AFF3: variants seen among roughly 807,000 people sequenced by gnomAD.
AFF3 encodes the protein ALF transcription elongation factor 3.
In AFF3, 32 loss-of-function variants were observed where a neutral mutation model predicts 129.7. That is an observed-to-expected ratio of 0.25 (90% CI 0.19 to 0.33). The LOEUF is 0.33. AFF3 is among the 10% of genes least tolerant of loss of function. AFF3 has a pLI of 1.00. For missense variants in AFF3, 1,373 were observed against 1,592.0 expected, an observed-to-expected ratio of 0.86 and a Z score of 2.34; for synonymous variants, 644 against 635.4, an observed-to-expected ratio of 1.01 and a Z score of -0.20.
At chr2:99,815,003 T>TC (rs999847452) in intron 8 of AFF3, among the ~76,000 whole-genome samples, 6 of 151,294 alleles carry the variant, frequency 4.0e-5, no homozygotes, top group Non-Finnish European at 7.4e-5. Flanking sequence ...GCGTGTACCA[T>TC]CCCCCCCGGC....
intron 8 of AFF3, among the ~76,000 whole-genome samples, chr2:99,825,527 G>A (rs1688012990): frequency 6.6e-6 from 1 of 152,184 alleles, no homozygotes. Context: ...TCCAAGAACT[G>A]CTTTACACAG....
At chr2:99,726,799 A>T (rs1009809110) in intron 11 of AFF3, among the ~76,000 whole-genome samples, 5 of 152,216 alleles carry the variant, frequency 3.3e-5, no homozygotes, top group Non-Finnish European at 1.5e-5. Context: ...ATGATGCTGA[A>T]AGTCTCCAAC....
At chr2:99,858,314 G>C (rs940271013) in intron 7 of AFF3, among the ~76,000 whole-genome samples, 2 of 151,874 alleles carry the variant, frequency 1.3e-5, no homozygotes, top group African/African-American at 2.4e-5. Context: ...GGGAGGCTGA[G>C]GGGGGCGGAT....
At chr2:99,698,058 T>C (rs960654393) in intron 11 of AFF3, among the ~76,000 whole-genome samples, 9 of 152,316 alleles carry the variant, frequency 5.9e-5, no homozygotes, top group Admixed American at 1.3e-4. Flanking sequence ...ATCTGTAGAA[T>C]TGGGCCACTG....
chr2:99,950,848 T>C (rs934023639), intron 7 of AFF3, among the ~76,000 whole-genome samples: 1 of 152,134 alleles, frequency 6.6e-6, no homozygotes, highest in Non-Finnish European at 1.5e-5. Context: ...ACAAATAAAA[T>C]CCAATTTGTA....
At chr2:99,614,209 G>A (rs1321184064) in intron 13 of AFF3, among the ~76,000 whole-genome samples, 5 of 152,184 alleles carry the variant, frequency 3.3e-5, no homozygotes, top group Non-Finnish European at 7.4e-5. Context: ...AAAGGGCCCT[G>A]AAACCTTCTA....
chr2:99,591,299 G>C (rs569159752), intron 15 of AFF3, among the ~76,000 whole-genome samples: 1 of 152,078 alleles, frequency 6.6e-6, no homozygotes, highest in African/African-American at 2.4e-5. Context: ...TGATTCTCCT[G>C]TCTCAGCTGC....
intron 11 of AFF3, among the ~76,000 whole-genome samples, chr2:99,685,918 G>A (rs1675008586): frequency 6.6e-6 from 1 of 152,146 alleles, no homozygotes; most frequent in Admixed American, 6.5e-5. Context: ...CGGGCATGGT[G>A]GCTCAAACCT....
At chr2:99,751,494 A>G (rs934949466) in intron 9 of AFF3, among the ~76,000 whole-genome samples, 16 of 152,266 alleles carry the variant, frequency 1.1e-4, no homozygotes, top group Non-Finnish European at 1.5e-4. Context: ...TTGGAAAAAT[A>G]TACATATTTT....
At chr2:99,984,973 A>G (rs1226341936) in intron 7 of AFF3, among the ~76,000 whole-genome samples, 1 of 152,174 alleles carries the variant, frequency 6.6e-6, no homozygotes, top group Admixed American at 6.5e-5. Context: ...ATGCAGGCAA[A>G]AATGAGTAAA....
At chr2:99,701,388 T>C (rs1002973238) in intron 11 of AFF3, among the ~76,000 whole-genome samples, 1 of 152,238 alleles carries the variant, frequency 6.6e-6, no homozygotes, top group African/African-American at 2.4e-5. Flanking sequence ...AGGATTCTGT[T>C]AGTATTCTCA....
At chr2:99,785,570 A>G (rs1288114728) in intron 8 of AFF3, among the ~76,000 whole-genome samples, 5 of 152,108 alleles carry the variant, frequency 3.3e-5, no homozygotes, top group Non-Finnish European at 7.4e-5. Context: ...GGACATTTTT[A>G]TTTCCCCTTA....
At chr2:100,027,238 A>G (rs955847570) in intron 4 of AFF3, among the ~76,000 whole-genome samples, 1 of 152,192 alleles carries the variant, frequency 6.6e-6, no homozygotes, top group African/African-American at 2.4e-5. Flanking sequence ...AACAAAAACA[A>G]GCTCACTGTA....
intron 8 of AFF3, among the ~76,000 whole-genome samples, chr2:99,758,729 A>T (rs138621849): frequency 2.0e-5 from 3 of 152,256 alleles, no homozygotes; most frequent in African/African-American, 7.2e-5. Flanking sequence ...ACTTATGCCC[A>T]ATCTTTAACG....
intron 8 of AFF3, among the ~76,000 whole-genome samples, chr2:99,765,064 C>T (rs1310446875): frequency 6.6e-6 from 1 of 152,192 alleles, no homozygotes; most frequent in East Asian, 1.9e-4. Flanking sequence ...AGCCAAATTT[C>T]TGATCAGCTC....
chr2:99,582,558 A>G (rs1477570914), intron 17 of AFF3, among the ~76,000 whole-genome samples: 1 of 152,216 alleles, frequency 6.6e-6, no homozygotes, highest in African/African-American at 2.4e-5. Flanking sequence ...TCAGAAGGAA[A>G]AATAAAATCT....
chr2:100,045,924 G>A (rs369953868), intron 4 of AFF3, among the ~76,000 whole-genome samples: 19 of 152,206 alleles, frequency 1.2e-4, no homozygotes, highest in African/African-American at 4.6e-4. Context: ...AGGGGTTCCA[G>A]TCAACATTAA....
chr2:99,981,461 C>G (rs574144286), intron 7 of AFF3, among the ~76,000 whole-genome samples: 3 of 152,260 alleles, frequency 2.0e-5, no homozygotes, highest in African/African-American at 7.2e-5. Context: ...ATAAAGTTAA[C>G]AACTATTTAA....
intron 13 of AFF3, among the ~76,000 whole-genome samples, chr2:99,635,887 A>C (rs1683606501): frequency 6.6e-6 from 1 of 152,172 alleles, no homozygotes; most frequent in South Asian, 2.1e-4. Context: ...GCAAGCATGC[A>C]ACCCTGAGAG....
Sources: allele counts gnomAD v4.1 joint callset (sites outside exome capture counted in the v4.1 genomes callset), GRCh38; gene constraint gnomAD v4.1.1; transcripts MANE v1.5; gene names NCBI Gene and HGNC (gene_info 2026-07-23, HGNC 2026-07-21).